The following MYO5C variants were observed in gnomAD, a reference collection of about 807,000 sequenced individuals.
MYO5C encodes the protein myosin VC, also known as unconventional myosin-Vc.
A neutral mutation model predicts 235.7 loss-of-function variants in MYO5C; 194 were observed. The observed-to-expected ratio is 0.82, with a 90% CI of 0.73 to 0.93. The LOEUF (loss-of-function observed/expected upper bound fraction) is 0.93, where lower values mean the gene tolerates loss of function less well. Among genes scored for constraint, MYO5C ranks in the 40% least tolerant of loss-of-function variants. MYO5C has a pLI of 0.00. For missense variants in MYO5C, 2,038 were observed against 2,127.2 expected, an observed-to-expected ratio of 0.96 and a Z score of 0.82; for synonymous variants, 707 against 754.8, an observed-to-expected ratio of 0.94 and a Z score of 1.04.
chr15:52,242,076 C>T lies in MYO5C; in HGVS notation c.2528G>A (p.Gly843Glu), dbSNP rs1566975966. The T allele has an allele frequency of 6.2e-7, 1 of 1,613,272 alleles. No homozygotes were observed. The highest frequency in any genetic ancestry group is 8.5e-7 in the Non-Finnish European group (1 of 1,179,608). Residue 843 changes from glycine (G) to glutamate (E), a missense_variant, in exon 20 of 41, where the codon GGA becomes GAA. Coordinates refer to ENST00000261839, the MANE Select transcript of MYO5C (RefSeq NM_018728.4). ...TCGATACCTCCTCCTTGCCAGGAAT[C>T]CTCGGCTGTAGGCCTGCATTGTGAT... is the stretch of plus-strand genomic sequence containing the variant. ...ATITMQAYSR[G>E]FLARRRYRKM...
intron 13 of MYO5C, among the ~76,000 whole-genome samples, chr15:52,250,448 T>C (rs893019604): frequency 1.3e-5 from 2 of 152,120 alleles, no homozygotes; most frequent in Non-Finnish European, 2.9e-5. Flanking sequence ...TTCGCCATGT[T>C]GGCCAGGCTG....
chr15:52,261,593 G>T (rs543229189), intron 9 of MYO5C, among the ~76,000 whole-genome samples: 3 of 152,344 alleles, frequency 2.0e-5, no homozygotes, highest in African/African-American at 7.2e-5. Flanking sequence ...GAGGTACCCA[G>T]GTGTTGCTGC....
intron 10 of MYO5C, 177 bp from the exon 11 acceptor site, chr15:52,256,897 T>A: frequency 5.5e-6 from 3 of 541,978 alleles, no homozygotes; most frequent in East Asian, 3.1e-5. Flanking sequence ...TAAATAACCC[T>A]TTTCCTGGTT....
In MYO5C at chr15:52,205,408, A is replaced by G. The variant is rs140066282; in HGVS notation, c.4538-261T>C. 1,041 of 494,388 alleles carry G rather than the reference A, an allele frequency of 2.1e-3. 9 individuals are homozygous for G. The highest frequency in any genetic ancestry group is 0.019 in the African/African-American group (973 of 52,494). The allele number at this position is 494,388 out of a possible 1,614,324, so 30.6% of individuals were successfully genotyped here. A position where few individuals can be genotyped will look rare whatever the true frequency, so the allele number is the denominator to read the frequency against. ...CGTTTTTCAGCTTCACAGGAAAGAAAGCTGCTTAGCATGACAAATCATGGC... is the reference window on the plus strand; with the variant it reads ...CGTTTTTCAGCTTCACAGGAAAGAAGGCTGCTTAGCATGACAAATCATGGC... On this transcript the variant is annotated intron_variant, in intron 37 of 40. Coordinates refer to ENST00000261839, the MANE Select transcript of MYO5C (RefSeq NM_018728.4).
intron 38 of MYO5C, among the ~76,000 whole-genome samples, chr15:52,201,036 G>C (rs948017917): frequency 2.4e-4 from 37 of 152,152 alleles, no homozygotes; most frequent in Non-Finnish European, 3.5e-4. Flanking sequence ...GAATTTTATG[G>C]ACCTGTGGGA....
intron 11 of MYO5C, among the ~76,000 whole-genome samples, chr15:52,255,532 G>A (rs2036561960): frequency 6.6e-6 from 1 of 152,164 alleles, no homozygotes; most frequent in Non-Finnish European, 1.5e-5. Context: ...AAATGTTAAG[G>A]AGGCAATTAT....
At chr15:52,279,985 T>C (rs987782805) in intron 2 of MYO5C, among the ~76,000 whole-genome samples, 44 of 152,108 alleles carry the variant, frequency 2.9e-4, no homozygotes, top group African/African-American at 9.9e-4. Context: ...ATAAGGAGTG[T>C]TGGGGAAGCT....
At chr15:52,200,177 A>G (rs764168623) in intron 38 of MYO5C, among the ~76,000 whole-genome samples, 3 of 152,220 alleles carry the variant, frequency 2.0e-5, no homozygotes, top group Non-Finnish European at 4.4e-5. Flanking sequence ...AAATGGCATG[A>G]GAACCACAAA....
At chr15:52,283,135 T>C (rs2140862551) in intron 1 of MYO5C, among the ~76,000 whole-genome samples, 1 of 152,218 alleles carries the variant, frequency 6.6e-6, no homozygotes, top group South Asian at 2.1e-4. Context: ...GCTGAAAGCC[T>C]GTACGTGGGA....
rs1001854853 is a variant in MYO5C at position 52,193,466 on chromosome 15, T to C, written c.*436A>G. The C allele has an allele frequency of 6.5e-6, 1 of 153,618 alleles. No homozygotes were observed. Among genetic ancestry groups the C allele is most frequent in the Non-Finnish European group, 1.4e-5 (1 of 69,212 alleles). 9.5% of individuals were successfully genotyped at this position (153,618 alleles called of 1,614,324 possible). ...GCAGGTCACGGTGGCCAAACGGGAT[T>C]TTTTCCTGGAAGACTCAGCACTAGA... On this transcript the variant is annotated 3_prime_UTR_variant, in exon 41 of 41. Transcript: ENST00000261839.
rs71130140 is a variant in MYO5C, at chr15:52,195,962, C to CTTTTTTTTTT, written c.4995+337_4995+346dup. 9.0e-4 allele frequency among the ~76,000 whole-genome samples: 73 copies of CTTTTTTTTTT among 80,980 alleles called. 2 individuals carry two copies. Among genetic ancestry groups the CTTTTTTTTTT allele is most frequent in the East Asian group, 2.0e-3 (3 of 1,488 alleles). 53.1% of individuals were successfully genotyped at this position (80,980 alleles called of 152,430 possible). A position where few individuals can be genotyped will look rare whatever the true frequency, so the allele number is the denominator to read the frequency against. On this transcript the variant is annotated intron_variant, in intron 39 of 40. Transcript: ENST00000261839. ...CAAAGGTGTGTGCCATCACACCCAG[C>CTTTTTTTTTT]TTTTTTTTTTTTTTTTTTTTTTTTT...
At chr15:52,199,347 C>T (rs1045884344) in intron 38 of MYO5C, among the ~76,000 whole-genome samples, 2 of 152,102 alleles carry the variant, frequency 1.3e-5, no homozygotes, top group Non-Finnish European at 2.9e-5. Flanking sequence ...TTCCAGTTCC[C>T]AGTGAGATGG....
Position 52,269,791 on chromosome 15 carries a change from G to C in MYO5C, c.902C>G (p.Ala301Gly). ...NTVIEGVNDR[A>G]EMVETQKTFT... The stretch of plus-strand genomic sequence containing the variant: ...GGTCTTTTGAGTCTCTACCATTTCA[G>C]CTCGATCATTCACACCCTCAATGAC... The change falls in exon 8 of 41, where the codon GCT becomes GGT. Residue 301 changes from alanine to glycine, a missense_variant. Transcript: ENST00000261839. 1 of 1,613,078 alleles carries C rather than the reference G, an allele frequency of 6.2e-7. No individual in the cohort carries two copies.
At chr15:52,240,814 G>T (rs926655119) in intron 20 of MYO5C, among the ~76,000 whole-genome samples, 11 of 152,080 alleles carry the variant, frequency 7.2e-5, no homozygotes, top group Non-Finnish European at 1.5e-4. Context: ...ATACTGTTCA[G>T]GTTTTCAGCT....
intron 10 of MYO5C, among the ~76,000 whole-genome samples, chr15:52,258,976 C>G (rs1282593414): frequency 6.6e-6 from 1 of 152,218 alleles, no homozygotes; most frequent in East Asian, 1.9e-4. Flanking sequence ...TCCAGCACAC[C>G]TTCCTCCCTT....
intron 1 of MYO5C, among the ~76,000 whole-genome samples, chr15:52,293,440 C>T (rs1405187819): frequency 6.6e-6 from 1 of 152,176 alleles, no homozygotes; most frequent in Non-Finnish European, 1.5e-5. Flanking sequence ...CCCTCTGACA[C>T]CTCCCACCCT....
intron 25 of MYO5C, among the ~76,000 whole-genome samples, chr15:52,226,709 G>C (rs2035830508): frequency 6.6e-6 from 1 of 152,154 alleles, no homozygotes; most frequent in African/African-American, 2.4e-5. Flanking sequence ...CAGGTTTATG[G>C]GGGACTCAGG....
chr15:52,205,758 G>T, intron 37 of MYO5C, 58 bp downstream of exon 37: 1 of 1,136,602 alleles, frequency 8.8e-7, no homozygotes, highest in African/African-American at 1.5e-5. Flanking sequence ...CCAAGTTTAT[G>T]TTTTAAAAAG....
intron 35 of MYO5C, among the ~76,000 whole-genome samples, chr15:52,210,967 G>A (rs2035429360): frequency 1.3e-5 from 2 of 152,194 alleles, no homozygotes; most frequent in Admixed American, 6.5e-5. Flanking sequence ...TTCAGTTGGT[G>A]ACTTCTGATA....
Sources: allele counts gnomAD v4.1 joint callset (sites outside exome capture counted in the v4.1 genomes callset), GRCh38; gene constraint gnomAD v4.1.1; transcripts MANE v1.5; gene names NCBI Gene and HGNC (gene_info 2026-07-23, HGNC 2026-07-21).